Variants in CPA6 observed in about 807,000 individuals in gnomAD.
CPA6 encodes carboxypeptidase A6, also known as carboxypeptidase B.
A neutral mutation model predicts 63.3 loss-of-function variants in CPA6; 58 were observed. The ratio of observed to expected loss-of-function variants is 0.92; its 90% confidence interval spans 0.74 to 1.14. The LOEUF (loss-of-function observed/expected upper bound fraction) is 1.14. CPA6 is among the 50% of genes most tolerant of loss of function. The probability of loss-of-function intolerance (pLI) is 0.00; values close to 1 mark genes in which losing one functional copy is unlikely to be tolerated. For synonymous variants in CPA6, 185 were observed against 179.0 expected, an observed-to-expected ratio of 1.03 and a Z score of -0.27; for missense variants, 565 against 526.6, an observed-to-expected ratio of 1.07 and a Z score of -0.71.
At chr8:67,611,781 T>C (rs528366990) in intron 2 of CPA6, among the ~76,000 whole-genome samples, 1 of 152,320 alleles carries the variant, frequency 6.6e-6, no homozygotes, top group Admixed American at 6.5e-5. Context: ...TGGCAAGTTT[T>C]GCTCATACCA....
chr8:67,715,187 TAGCTC>T, intron 1 of CPA6, among the ~76,000 whole-genome samples: 1 of 152,302 alleles, frequency 6.6e-6, no homozygotes, highest in South Asian at 2.1e-4. Flanking sequence ...TACCCAGAGT[TAGCTC>T]AGACCCTGCC....
chr8:67,515,207 AC>A (rs1056932780), intron 3 of CPA6, among the ~76,000 whole-genome samples: 3 of 151,986 alleles, frequency 2.0e-5, no homozygotes, highest in African/African-American at 7.3e-5. Flanking sequence ...ATGCCTTTCA[AC>A]CCCCAAATCT....
chr8:67,575,873 C>T (rs1813612476), intron 2 of CPA6, among the ~76,000 whole-genome samples: 1 of 150,192 alleles, frequency 6.7e-6, no homozygotes, highest in East Asian at 1.9e-4. Context: ...GAAATTTTGT[C>T]AACATGGATG....
intron 1 of CPA6, among the ~76,000 whole-genome samples, chr8:67,647,275 GCTCCTTTTCCTT>G (rs1563375964): frequency 6.6e-6 from 1 of 152,030 alleles, no homozygotes; most frequent in Non-Finnish European, 1.5e-5. Context: ...CAAATATCAA[GCTCCTTTTCCTT>G]TTTGGGTATG....
chr8:67,674,567 T>C (rs752454542), intron 1 of CPA6, among the ~76,000 whole-genome samples: 8 of 152,282 alleles, frequency 5.3e-5, no homozygotes, highest in South Asian at 2.1e-4. Context: ...TTATACACTG[T>C]TGGTGGGAAT....
intron 6 of CPA6, among the ~76,000 whole-genome samples, chr8:67,496,165 CA>C (rs1447790211): frequency 2.0e-5 from 3 of 152,088 alleles, no homozygotes; most frequent in Non-Finnish European, 4.4e-5. Context: ...TTAATTCCTT[CA>C]GGTACTATAA....
chr8:67,607,114 C>T (rs1814660714), intron 2 of CPA6, among the ~76,000 whole-genome samples: 1 of 89,338 alleles, frequency 1.1e-5, no homozygotes, highest in Non-Finnish European at 2.0e-5. Context: ...CTTTCCTCCT[C>T]CTCCTCCTCC....
intron 8 of CPA6, 140 bp downstream of exon 8, chr8:67,483,628 T>C (rs1158917726): frequency 3.9e-6 from 3 of 762,466 alleles, no homozygotes; most frequent in East Asian, 4.9e-5. Context: ...AGCTATCATG[T>C]ACGTATCTGT....
At chr8:67,429,191 C>T (rs1284540293) in intron 9 of CPA6, among the ~76,000 whole-genome samples, 1 of 152,094 alleles carries the variant, frequency 6.6e-6, no homozygotes, top group Admixed American at 6.6e-5. Context: ...TGGAACTTTT[C>T]CTAAGAATGG....
At chr8:67,573,376 T>A (rs1220168069) in intron 2 of CPA6, among the ~76,000 whole-genome samples, 1 of 152,174 alleles carries the variant, frequency 6.6e-6, no homozygotes, top group Non-Finnish European at 1.5e-5. Flanking sequence ...GAAAATCCTA[T>A]AGATTCCACC....
intron 1 of CPA6, among the ~76,000 whole-genome samples, chr8:67,662,468 C>CGTATATGTATATATAGAATACATACACAT (rs1816134752): frequency 2.1e-5 from 3 of 142,496 alleles, no homozygotes; most frequent in Admixed American, 7.0e-5. Context: ...TACATACACA[C>CGTATATGTATATATAGAATACATACACAT]GTATATGTAT....
chr8:67,544,482 A>T (rs1158285826), intron 2 of CPA6, among the ~76,000 whole-genome samples: 1 of 152,180 alleles, frequency 6.6e-6, no homozygotes, highest in Non-Finnish European at 1.5e-5. Context: ...TTTCCTGTTA[A>T]ATGGCAATGA....
intron 2 of CPA6, among the ~76,000 whole-genome samples, chr8:67,543,089 G>A (rs560181796): frequency 3.5e-4 from 54 of 152,182 alleles, no homozygotes; most frequent in Non-Finnish European, 6.3e-4. Context: ...TTCTGTCACA[G>A]GTTTGAGTAG....
chr8:67,469,573 T>C (rs1204614546), intron 8 of CPA6, among the ~76,000 whole-genome samples: 2 of 152,126 alleles, frequency 1.3e-5, no homozygotes. Flanking sequence ...ACCACTGCAC[T>C]CCAGCCTGGG....
intron 8 of CPA6, among the ~76,000 whole-genome samples, chr8:67,446,190 C>T (rs367838463): frequency 1.3e-4 from 20 of 149,842 alleles, no homozygotes; most frequent in African/African-American, 4.7e-4. Flanking sequence ...GGCTTGAACC[C>T]GGGAGGCAGA....
chr8:67,454,724 T>G (rs1045053621), intron 8 of CPA6, among the ~76,000 whole-genome samples: 2 of 152,132 alleles, frequency 1.3e-5, no homozygotes, highest in African/African-American at 4.8e-5. Context: ...GGAGAGGAAA[T>G]TTAGTCTTGT....
chr8:67,475,831 C>CCTTTCT (rs1811185638), intron 8 of CPA6, among the ~76,000 whole-genome samples: 1 of 50,390 alleles, frequency 2.0e-5, no homozygotes, highest in Non-Finnish European at 3.5e-5. Flanking sequence ...TCTTTTCTTT[C>CCTTTCT]TTTCTTTCTT....
intron 1 of CPA6, among the ~76,000 whole-genome samples, chr8:67,688,069 G>C (rs560167366): frequency 6.6e-6 from 1 of 152,288 alleles, no homozygotes; most frequent in South Asian, 2.1e-4. Flanking sequence ...CTACTTGAGA[G>C]CCTGAGGTGG....
intron 10 of CPA6, among the ~76,000 whole-genome samples, chr8:67,424,505 TGTC>T (rs1019844934): frequency 4.6e-5 from 7 of 152,192 alleles, no homozygotes; most frequent in African/African-American, 1.7e-4. Flanking sequence ...TGTTGGTTAT[TGTC>T]GTCTCTGGTA....
Sources: gnomAD v4.1 joint callset for allele counts (sites outside exome capture counted in the v4.1 genomes callset) on GRCh38, gnomAD v4.1.1 for gene constraint, MANE v1.5 for transcripts, NCBI Gene and HGNC (gene_info 2026-07-23, HGNC 2026-07-21) for gene names.